The following FBXL2 variants were observed in gnomAD, a reference collection of about 807,000 sequenced individuals.
FBXL2 encodes the protein F-box and leucine rich repeat protein 2.
Under a neutral mutation model 69.2 loss-of-function variants are expected in FBXL2, and 38 were observed. The ratio of observed to expected loss-of-function variants is 0.55; its 90% CI spans 0.42 to 0.72. The LOEUF (loss-of-function observed/expected upper bound fraction) is 0.72. FBXL2 is among the 30% of genes least tolerant of loss of function. The probability of loss-of-function intolerance (pLI) is 0.00; values close to 1 mark genes in which losing one functional copy is unlikely to be tolerated. For synonymous variants in FBXL2, 192 were observed against 201.3 expected (o/e 0.95, Z 0.39); for missense variants, 354 against 520.3 (o/e 0.68, Z 3.11).
chr3:33,356,431 C>T (rs554620115), intron 2 of FBXL2, among the ~76,000 whole-genome samples: 1 of 152,018 alleles, frequency 6.6e-6, no homozygotes, highest in East Asian at 1.9e-4. Flanking sequence ...CTCACTGCAA[C>T]CTCTGCCTCC....
chr3:33,415,955 T>TA, the FBXL2 span: 1 of 152,168 alleles, frequency 6.6e-6, no homozygotes, highest in African/African-American at 2.4e-5. Flanking sequence ...ACACCAAATT[T>TA]AGATTGCCTG....
intron 12 of FBXL2, chr3:33,393,447 A>T: frequency 6.3e-7 from 1 of 1,593,178 alleles, no homozygotes; most frequent in Non-Finnish European, 8.5e-7. Flanking sequence ...AGTAGATTGC[A>T]TGATAAACTG....
intron 1 of FBXL2, among the ~76,000 whole-genome samples, chr3:33,279,842 A>G (rs1055288021): frequency 6.6e-6 from 1 of 152,114 alleles, no homozygotes; most frequent in Non-Finnish European, 1.5e-5. Flanking sequence ...CCTTTATCCT[A>G]TTTTAGAGAT....
chr3:33,281,234 C>G (rs897455569), intron 1 of FBXL2, among the ~76,000 whole-genome samples: 1 of 152,012 alleles, frequency 6.6e-6, no homozygotes, highest in African/African-American at 2.4e-5. Context: ...GTGATGTTCC[C>G]CACCCTGTGT....
At chr3:33,412,015 C>T in the FBXL2 span, among the ~76,000 whole-genome samples, 1 of 151,810 alleles carries the variant, frequency 6.6e-6, no homozygotes, top group Non-Finnish European at 1.5e-5. Context: ...GGTGAAACCC[C>T]GTCTCTACTA....
chr3:33,361,166 C>T (rs564613444), intron 4 of FBXL2, among the ~76,000 whole-genome samples: 8 of 145,346 alleles, frequency 5.5e-5, no homozygotes, highest in East Asian at 2.0e-4. Flanking sequence ...AGGATGGTCT[C>T]GATCTCCTGA....
chr3:33,392,370 C>A (rs534611181), downstream of FBXL2: 18 of 513,092 alleles, frequency 3.5e-5, no homozygotes, highest in South Asian at 5.6e-4. Context: ...TTCCAGTCAT[C>A]TAGAAAGACT....
At chr3:33,281,503 A>T (rs1334087205) in intron 1 of FBXL2, among the ~76,000 whole-genome samples, 2 of 152,134 alleles carry the variant, frequency 1.3e-5, no homozygotes, top group African/African-American at 2.4e-5. Flanking sequence ...CGCGGTAAAC[A>T]TACGTGTGCA....
intron 1 of FBXL2, among the ~76,000 whole-genome samples, chr3:33,292,388 A>G (rs1200633997): frequency 1.3e-5 from 2 of 152,158 alleles, no homozygotes; most frequent in Non-Finnish European, 2.9e-5. Flanking sequence ...CAAACAAACA[A>G]ACAAAACAAA....
chr3:33,288,865 G>T (rs1310197794), intron 1 of FBXL2, among the ~76,000 whole-genome samples: 3 of 152,186 alleles, frequency 2.0e-5, no homozygotes, highest in Non-Finnish European at 4.4e-5. Flanking sequence ...GAGAACCATT[G>T]TGGAGTAAAA....
chr3:33,395,235 C>G (rs532238875), intron 12 of FBXL2, among the ~76,000 whole-genome samples: 4 of 152,238 alleles, frequency 2.6e-5, no homozygotes, highest in African/African-American at 9.6e-5. Context: ...TGCTATCCTT[C>G]CAATTTTTCA....
At chr3:33,336,594 C>G (rs756467621) in intron 2 of FBXL2, among the ~76,000 whole-genome samples, 9 of 152,174 alleles carry the variant, frequency 5.9e-5, no homozygotes, top group Non-Finnish European at 1.0e-4. Context: ...AATTGGACTT[C>G]ACTGAAGTAG....
At position 33,329,487 on chromosome 3, in the gene FBXL2, T is replaced by G. The variant is rs1426798284; in HGVS notation, c.66-29480T>G. Among the ~76,000 whole-genome samples the G allele has an allele frequency of 2.0e-5, 3 of 151,472 alleles. No individual in the cohort carries two copies. In the East Asian group the frequency reaches 5.8e-4, roughly 29 times the overall value. On this transcript the variant is annotated intron_variant, in intron 2 of 14. Coordinates refer to ENST00000484457, the MANE Select transcript of FBXL2 (RefSeq NM_012157.5). ...CACTCCAATGTGTATTGCAGCATTA[T>G]TCACAATAGCCAAAATATGGAATTA...
intron 6 of FBXL2, 30 bp downstream of exon 6, chr3:33,373,190 A>G (rs1171846692): frequency 5.0e-6 from 8 of 1,611,890 alleles, no homozygotes; most frequent in South Asian, 1.1e-5. Context: ...TGGTGACCAA[A>G]TAGCCACGGG....
intron 13 of FBXL2, 165 bp from the exon 14 acceptor site, chr3:33,383,824 A>G: frequency 1.6e-6 from 1 of 612,894 alleles, no homozygotes; most frequent in Non-Finnish European, 2.9e-6. Context: ...GAAACTTCTC[A>G]TAGTTCTGAA....
At chr3:33,329,437 AATTAATAT>A (rs1254470885) in intron 2 of FBXL2, among the ~76,000 whole-genome samples, 1 of 152,182 alleles carries the variant, frequency 6.6e-6, no homozygotes, top group Non-Finnish European at 1.5e-5. Context: ...AAAGAAAGAA[AATTAATAT>A]ATCAAAGAGA....
At chr3:33,406,221 C>T (rs138827430), downstream of FBXL2, among the ~76,000 whole-genome samples, 1 of 152,230 alleles carries the variant, frequency 6.6e-6, no homozygotes, top group East Asian at 1.9e-4. Context: ...TCAGCCTTGG[C>T]AATACAGTGA....
At chr3:33,402,730 T>C (rs1417401995) in intron 12 of FBXL2, 1 of 1,132,468 alleles carries the variant, frequency 8.8e-7, no homozygotes, top group Non-Finnish European at 1.2e-6. Flanking sequence ...CTGCTGTACA[T>C]GGAGAGATGG....
the FBXL2 span, among the ~76,000 whole-genome samples, chr3:33,419,527 C>G: frequency 6.6e-6 from 1 of 151,408 alleles, no homozygotes; most frequent in Non-Finnish European, 1.5e-5. Context: ...ACTCCAGAGG[C>G]TGAGGCAGGA....
Sources: gnomAD v4.1 joint callset for allele counts (sites outside exome capture counted in the v4.1 genomes callset) on GRCh38, gnomAD v4.1.1 for gene constraint, MANE v1.5 for transcripts, NCBI Gene and HGNC (gene_info 2026-07-23, HGNC 2026-07-21) for gene names.